CTNNA2: variants seen among roughly 807,000 people sequenced by gnomAD.
CTNNA2 encodes catenin alpha 2, also known as catenin alpha-2.
CTNNA2 carries 42 observed loss-of-function variants against 101.0 expected under a neutral mutation model. The observed-to-expected ratio is 0.42, with a 90% confidence interval of 0.32 to 0.54. The LOEUF (loss-of-function observed/expected upper bound fraction) is 0.54, where lower values mean the gene tolerates loss of function less well. Among genes scored for constraint, CTNNA2 ranks in the 20% least tolerant of loss-of-function variants. CTNNA2 has a pLI of 0.14. For synonymous variants in CTNNA2, 450 were observed against 456.4 expected, an observed-to-expected ratio of 0.99 and a Z score of 0.18; for missense variants, 871 against 1,223.1, an observed-to-expected ratio of 0.71 and a Z score of 4.29.
chr2:79,771,840 A>C (rs1673604474), intron 3 of CTNNA2, among the ~76,000 whole-genome samples: 1 of 152,158 alleles, frequency 6.6e-6, no homozygotes, highest in Non-Finnish European at 1.5e-5. Context: ...TATCTTCCAA[A>C]CTGAGAATTC....
At chr2:80,634,625 C>G (rs9309561) in intron 18 of CTNNA2, among the ~76,000 whole-genome samples, 81,846 of 151,762 alleles carry the variant, frequency 0.54, 22,411 homozygotes, top group African/African-American at 0.6. Flanking sequence ...GGATCGTTCT[C>G]GCTTCCATTT....
intron 1 of CTNNA2, among the ~76,000 whole-genome samples, chr2:79,187,388 C>T (rs114187170): frequency 4.6e-5 from 7 of 150,752 alleles, no homozygotes; most frequent in Non-Finnish European, 7.4e-5. Flanking sequence ...AGTGCAGTGG[C>T]GCAATCTCAG....
intron 7 of CTNNA2, among the ~76,000 whole-genome samples, chr2:80,291,857 C>T (rs1675285726): frequency 6.6e-6 from 1 of 152,136 alleles, no homozygotes; most frequent in Non-Finnish European, 1.5e-5. Flanking sequence ...TCAGGTTCAC[C>T]AGGGCTGCCA....
At chr2:79,910,974 C>T (rs1685754725) in intron 7 of CTNNA2, among the ~76,000 whole-genome samples, 1 of 152,134 alleles carries the variant, frequency 6.6e-6, no homozygotes, top group Non-Finnish European at 1.5e-5. Flanking sequence ...GTTTCCTTTC[C>T]ATGAACCTTC....
At position 79,653,001 on chromosome 2, in the gene CTNNA2, A is replaced by C. The variant is rs562366145; in HGVS notation, c.102+1343A>C. Among the ~76,000 whole-genome samples the C allele has an allele frequency of 5.9e-5, 9 of 152,302 alleles. No individual in the cohort carries two copies. The South Asian group carries it at 1.7e-3, about 28-fold the overall frequency. On this transcript the variant is annotated intron_variant, in intron 2 of 18. Coordinates refer to ENST00000402739, the MANE Select transcript of CTNNA2 (RefSeq NM_001282597.3). Reference sequence around the variant, plus strand: ...GTTCCTCTCCATCTGTGTAGCTGTGAAACTACAAAACAAATTATATGTTCC... The same window carrying C: ...GTTCCTCTCCATCTGTGTAGCTGTGCAACTACAAAACAAATTATATGTTCC...
At chr2:79,636,274 A>G (rs1680053129) in intron 1 of CTNNA2, among the ~76,000 whole-genome samples, 1 of 129,954 alleles carries the variant, frequency 7.7e-6, no homozygotes, top group Non-Finnish European at 1.7e-5. Context: ...TGTCTCAAAA[A>G]AAAAAAAAAA....
chr2:79,954,847 G>T (rs1459554690), intron 7 of CTNNA2, among the ~76,000 whole-genome samples: 1 of 152,112 alleles, frequency 6.6e-6, no homozygotes, highest in African/African-American at 2.4e-5. Context: ...ACATAAATGA[G>T]TTATGAGGTA....
intron 4 of CTNNA2, among the ~76,000 whole-genome samples, chr2:79,448,385 G>A (rs1028986200): frequency 2.6e-5 from 4 of 151,974 alleles, no homozygotes; most frequent in Non-Finnish European, 4.4e-5. Context: ...TATTATGTAT[G>A]CATTATGTTT....
intron 3 of CTNNA2, among the ~76,000 whole-genome samples, chr2:79,753,867 CTTTTTT>C (rs1170637332): frequency 7.4e-6 from 1 of 134,912 alleles, no homozygotes; most frequent in Non-Finnish European, 1.6e-5. Context: ...CTTTTTCTCT[CTTTTTT>C]TTTTTTTTTT....
In CTNNA2 at chr2:79,645,409, A is replaced by G. The variant is rs541334803; in HGVS notation, c.-5-6143A>G. ...CCAGTATTATTTTATTCATGGAAAA[A>G]GCAATTTAATGTACAGGAGACTCAG... On this transcript the variant is annotated intron_variant, in intron 1 of 18. Transcript: ENST00000402739. 3.9e-5 allele frequency among the ~76,000 whole-genome samples: 6 copies of G among 152,352 alleles called. No individual in the cohort carries two copies. In the South Asian group the frequency reaches 1.2e-3, roughly 32 times the overall value.
chr2:79,957,966 A>G lies in CTNNA2; in HGVS notation c.1056+48169A>G, dbSNP rs576909563. ...TCTTCAGATTCTTAAAGACAGTGGC[A>G]TTTGCACCCAGGCCTTCTGTTCTTT... On this transcript the variant is annotated intron_variant, in intron 7 of 18. Transcript: ENST00000402739. Among the ~76,000 whole-genome samples, 77 of 152,324 alleles carry G rather than the reference A, an allele frequency of 5.1e-4. 1 individual carries two copies. The South Asian group carries it at 0.015, about 29-fold the overall frequency.
intron 9 of CTNNA2, among the ~76,000 whole-genome samples, chr2:80,441,643 C>T (rs891082697): frequency 6.6e-6 from 1 of 152,116 alleles, no homozygotes; most frequent in African/African-American, 2.4e-5. Context: ...ATATTAGGTT[C>T]TATAGCTTCT....
chr2:80,318,946 G>A (rs928819370), intron 7 of CTNNA2, among the ~76,000 whole-genome samples: 1 of 152,142 alleles, frequency 6.6e-6, no homozygotes. Flanking sequence ...AGAGGTTTTA[G>A]TGTATGTTGG....
chr2:79,920,834 G>T (rs1686601184), intron 7 of CTNNA2, among the ~76,000 whole-genome samples: 1 of 152,210 alleles, frequency 6.6e-6, no homozygotes. Flanking sequence ...TGCAAAGCAT[G>T]TCACTTGCTT....
chr2:79,371,450 G>A (rs1309561129), intron 3 of CTNNA2, among the ~76,000 whole-genome samples: 1 of 152,010 alleles, frequency 6.6e-6, no homozygotes, highest in South Asian at 2.1e-4. Flanking sequence ...AAGTCGGAGT[G>A]GGAAACAGAA....
intron 7 of CTNNA2, among the ~76,000 whole-genome samples, chr2:80,283,702 A>G (rs2149164484): frequency 6.6e-6 from 1 of 152,254 alleles, no homozygotes; most frequent in South Asian, 2.1e-4. Flanking sequence ...AATGCAGCTG[A>G]GAGAAGCTGG....
intron 1 of CTNNA2, among the ~76,000 whole-genome samples, chr2:79,515,685 A>G (rs1243295035): frequency 6.6e-6 from 1 of 152,204 alleles, no homozygotes; most frequent in Non-Finnish European, 1.5e-5. Context: ...TAAAATGTGC[A>G]TTTTAGAAGA....
intron 2 of CTNNA2, among the ~76,000 whole-genome samples, chr2:79,682,204 C>T (rs1352367651): frequency 1.3e-5 from 2 of 151,594 alleles, no homozygotes; most frequent in African/African-American, 4.8e-5. Flanking sequence ...GTCAGGAGAT[C>T]GAGACCATCC....
intron 7 of CTNNA2, among the ~76,000 whole-genome samples, chr2:80,301,290 A>G (rs951388111): frequency 6.6e-6 from 1 of 152,182 alleles, no homozygotes; most frequent in African/African-American, 2.4e-5. Flanking sequence ...AAACATCGGG[A>G]TTCTGCCTCC....
Sources: gnomAD v4.1 joint callset for allele counts (sites outside exome capture counted in the v4.1 genomes callset) on GRCh38, gnomAD v4.1.1 for gene constraint, MANE v1.5 for transcripts, NCBI Gene and HGNC (gene_info 2026-07-23, HGNC 2026-07-21) for gene names.